The following EML4 variants were observed in gnomAD, a reference collection of about 807,000 sequenced individuals.
The protein encoded by EML4 is echinoderm microtubule-associated protein-like 4.
In EML4, 72 loss-of-function variants were observed where a neutral mutation model predicts 129.0. That is an observed-to-expected ratio of 0.56 (90% confidence interval 0.46 to 0.68). EML4 has a LOEUF of 0.68. EML4 is among the 30% of genes least tolerant of loss of function. EML4 has a pLI of 0.00. For synonymous variants in EML4, 532 were observed against 405.0 expected, an observed-to-expected ratio of 1.31 and a Z score of -3.77; for missense variants, 1,363 against 1,190.6, an observed-to-expected ratio of 1.14 and a Z score of -2.13.
intron 21 of EML4, among the ~76,000 whole-genome samples, chr2:42,327,244 C>T (rs934874404): frequency 1.3e-5 from 2 of 152,322 alleles, no homozygotes; most frequent in Admixed American, 1.3e-4. Context: ...ATTCATTCAT[C>T]AGCTGATGGA....
At chr2:42,303,528 C>G in intron 16 of EML4, 82 bp downstream of exon 16, 1 of 1,472,286 alleles carries the variant, frequency 6.8e-7, no homozygotes, top group Non-Finnish European at 9.4e-7. Flanking sequence ...GTAAAAAGGA[C>G]TAAGTGTTGA....
In EML4 at chr2:42,288,244, A is replaced by G. The variant is rs776247171; in HGVS notation, c.1140A>G (p.Leu380=). 3 of 1,477,822 alleles carry G rather than the reference A, an allele frequency of 2.0e-6. No homozygotes were observed. Among genetic ancestry groups the G allele is most frequent in the East Asian group, 2.4e-5 (1 of 41,980 alleles). 91.5% of individuals were successfully genotyped at this position (1,477,822 alleles called of 1,614,324 possible). A position where few individuals can be genotyped will look rare whatever the true frequency, so the allele number is the denominator to read the frequency against. The change falls in exon 11 of 23, where the codon TTA becomes TTG. Residue 380 remains leucine (L), a synonymous_variant. Transcript: ENST00000318522. The stretch of plus-strand genomic sequence containing the variant: ...TTCTTTAGGATTCAGGTGTTCATTT[A>G]TGTATTATTGATGACTCCAATGAGC... ...DFSKADSGVH[L]CIIDDSNEHM... is the part of the protein sequence containing the mutation.
intron 13 of EML4, among the ~76,000 whole-genome samples, chr2:42,295,782 T>G (rs1667912140): frequency 6.6e-6 from 1 of 152,218 alleles, no homozygotes; most frequent in Non-Finnish European, 1.5e-5. Flanking sequence ...TATGGATATA[T>G]GTTAGTTTAA....
intron 4 of EML4, among the ~76,000 whole-genome samples, chr2:42,262,282 T>C (rs1665779834): frequency 6.6e-6 from 1 of 152,210 alleles, no homozygotes; most frequent in Admixed American, 6.5e-5. Flanking sequence ...ATGCTTTGTC[T>C]GTGTGTCTCA....
intron 1 of EML4, among the ~76,000 whole-genome samples, chr2:42,170,929 A>G (rs996085691): frequency 1.3e-5 from 2 of 152,252 alleles, no homozygotes; most frequent in African/African-American, 2.4e-5. Flanking sequence ...TGGGCCTATT[A>G]TAGATATTAA....
intron 2 of EML4, among the ~76,000 whole-genome samples, chr2:42,247,631 T>G (rs993945060): frequency 6.6e-6 from 1 of 152,202 alleles, no homozygotes; most frequent in Non-Finnish European, 1.5e-5. Context: ...CCACTTTGAC[T>G]AATAAAGTGT....
chr2:42,263,198 C>G lies in EML4; in HGVS notation c.533C>G (p.Ala178Gly). 1.2e-6 allele frequency: 2 copies of G among 1,612,316 alleles called. No individual in the cohort carries two copies. Among genetic ancestry groups the G allele is most frequent in the East Asian group, 2.2e-5 (1 of 44,732 alleles). The change falls in exon 5 of 23, where the codon GCT (alanine) becomes GGT (glycine). Residue 178 changes from alanine (A) to glycine (G), a missense_variant. By Grantham distance (60) the Ala-to-Gly change is moderately conservative. Coordinates refer to ENST00000318522, the MANE Select transcript of EML4 (RefSeq NM_019063.5). Reference protein sequence around the residue: ...PTKSIKRPSPAEKSHNSWENS... With the variant: ...PTKSIKRPSPGEKSHNSWENS... ...TCTAGCATAAAACGACCATCACCAG[C>G]TGAAAAGTCACATAATTCTTGGGAA...
rs568127436 is a variant in EML4, at chr2:42,315,861, A to T, written c.1968-101A>T. Reference sequence around the variant, plus strand: ...TCACTCCATGCACACCAGCGTTATGACAAAGCAAGACTCCATCTCAAAAAA... The same window carrying T: ...TCACTCCATGCACACCAGCGTTATGTCAAAGCAAGACTCCATCTCAAAAAA... On this transcript the variant is annotated intron_variant, in intron 17 of 22. Coordinates refer to ENST00000318522, the MANE Select transcript of EML4 (RefSeq NM_019063.5). 2.2e-5 allele frequency: 18 copies of T among 819,506 alleles called. 1 individual carries two copies. The South Asian group carries it at 2.3e-4, about 11-fold the overall frequency. The allele number at this position is 819,506 out of a possible 1,614,324, so 50.8% of individuals were successfully genotyped here. A position where few individuals can be genotyped will look rare whatever the true frequency, so the allele number is the denominator to read the frequency against.
intron 7 of EML4, 139 bp downstream of exon 7, chr2:42,281,112 G>A (rs1666980311): frequency 1.4e-6 from 1 of 708,356 alleles, no homozygotes; most frequent in Non-Finnish European, 2.2e-6. Context: ...GGAAACATCA[G>A]GCCAGGCGCG....
At chr2:42,306,484 CTTTTTTTTTTTT>C (rs375707062) in intron 17 of EML4, among the ~76,000 whole-genome samples, 1 of 74,604 alleles carries the variant, frequency 1.3e-5, no homozygotes, top group African/African-American at 4.7e-5. Flanking sequence ...GTGCTAAATC[CTTTTTTTTTTTT>C]TTTTTTTTTT....
At chr2:42,184,798 G>A (rs1380341632) in intron 1 of EML4, among the ~76,000 whole-genome samples, 1 of 151,998 alleles carries the variant, frequency 6.6e-6, no homozygotes, top group Non-Finnish European at 1.5e-5. Context: ...ATGTTCTTAA[G>A]TCATATATAG....
chr2:42,201,564 G>A (rs1672235862), intron 1 of EML4, among the ~76,000 whole-genome samples: 1 of 152,154 alleles, frequency 6.6e-6, no homozygotes, highest in Non-Finnish European at 1.5e-5. Context: ...GTTCATTGGA[G>A]CATTTTTCAC....
intron 2 of EML4, among the ~76,000 whole-genome samples, chr2:42,254,923 A>G (rs1676027455): frequency 6.6e-6 from 1 of 152,210 alleles, no homozygotes; most frequent in Admixed American, 6.5e-5. Flanking sequence ...AACAAAATAT[A>G]CAGTGGAATA....
At chr2:42,203,726 CAG>C (rs760571560) in intron 1 of EML4, among the ~76,000 whole-genome samples, 1 of 140,260 alleles carries the variant, frequency 7.1e-6, no homozygotes, top group Non-Finnish European at 1.5e-5. Flanking sequence ...AAAAAAAAAA[CAG>C]AGAGGATTAA....
intron 14 of EML4, 114 bp downstream of exon 14, chr2:42,301,506 T>C: frequency 1.2e-6 from 1 of 841,202 alleles, no homozygotes; most frequent in Non-Finnish European, 1.7e-6. Flanking sequence ...TATAATTTCA[T>C]TTCCTTTCCT....
At chr2:42,268,047 A>G (rs543694042) in intron 6 of EML4, among the ~76,000 whole-genome samples, 4 of 152,192 alleles carry the variant, frequency 2.6e-5, no homozygotes, top group African/African-American at 9.6e-5. Context: ...ATAGATAACA[A>G]TTTGACAAAT....
At chr2:42,237,045 C>T (rs1213479012) in intron 1 of EML4, among the ~76,000 whole-genome samples, 2 of 152,110 alleles carry the variant, frequency 1.3e-5, no homozygotes, top group African/African-American at 4.8e-5. Flanking sequence ...CTCAGGTCAT[C>T]CTCCCACCTC....
chr2:42,245,541 A>G lies in EML4; in HGVS notation c.62A>G (p.Gln21Arg). The change falls in exon 2 of 23, where the codon CAA becomes CGA. Residue 21 changes from glutamine (Q) to arginine (R), a missense_variant. By Grantham distance (43) the Gln-to-Arg change is conservative. Coordinates refer to ENST00000318522, the MANE Select transcript of EML4 (RefSeq NM_019063.5). ...SISAASTSDV[Q>R]DRLSALESRV... ...TCTGCTGCAAGTACTTCTGATGTTCAAGATCGCCTGTCAGCTCTTGAGTCA... is the reference window on the plus strand; with the variant it reads ...TCTGCTGCAAGTACTTCTGATGTTCGAGATCGCCTGTCAGCTCTTGAGTCA... 1 of 1,613,754 alleles carries G rather than the reference A, an allele frequency of 6.2e-7. No homozygotes were observed. Among genetic ancestry groups the G allele is most frequent in the Non-Finnish European group, 8.5e-7 (1 of 1,179,814 alleles).
intron 2 of EML4, among the ~76,000 whole-genome samples, chr2:42,251,425 A>G (rs549196955): frequency 5.3e-5 from 8 of 152,344 alleles, no homozygotes; most frequent in African/African-American, 1.9e-4. Context: ...TTTCTATATG[A>G]GAGTCAAATG....
Sources: allele counts gnomAD v4.1 joint callset (sites outside exome capture counted in the v4.1 genomes callset), GRCh38; gene constraint gnomAD v4.1.1; transcripts MANE v1.5; gene names NCBI Gene and HGNC (gene_info 2026-07-23, HGNC 2026-07-21).